Variants in ASTN1 observed in about 807,000 individuals in gnomAD.
The protein encoded by ASTN1 is astrotactin-1.
ASTN1 carries 41 observed loss-of-function variants against 140.7 expected under a neutral mutation model. The ratio of observed to expected loss-of-function variants is 0.29; its 90% CI spans 0.23 to 0.38. The LOEUF (loss-of-function observed/expected upper bound fraction) is 0.38, where lower values mean the gene tolerates loss of function less well. Among genes scored for constraint, ASTN1 ranks in the 10% least tolerant of loss-of-function variants. The probability of loss-of-function intolerance (pLI) is 1.00; values close to 1 mark genes in which losing one functional copy is unlikely to be tolerated. For missense variants in ASTN1, 1,479 were observed against 1,678.8 expected, an observed-to-expected ratio of 0.88 and a Z score of 2.08; for synonymous variants, 640 against 652.2, an observed-to-expected ratio of 0.98 and a Z score of 0.29.
intron 1 of ASTN1, among the ~76,000 whole-genome samples, chr1:177,129,416 G>A (rs1416631027): frequency 6.6e-6 from 1 of 152,210 alleles, no homozygotes; most frequent in Non-Finnish European, 1.5e-5. Context: ...AACCCACCAA[G>A]CAAGGAAGCA....
chr1:177,089,164 C>G (rs187604523), intron 1 of ASTN1, among the ~76,000 whole-genome samples: 4 of 152,260 alleles, frequency 2.6e-5, no homozygotes, highest in South Asian at 2.1e-4. Flanking sequence ...CAGAAGCTGA[C>G]GCCCTAATCT....
chr1:176,932,444 G>A (rs1185822230), intron 16 of ASTN1, among the ~76,000 whole-genome samples: 2 of 152,148 alleles, frequency 1.3e-5, no homozygotes, highest in African/African-American at 2.4e-5. Flanking sequence ...AACTAAGGAG[G>A]AGAAATATAT....
chr1:177,057,635 C>T (rs949591019), intron 2 of ASTN1, among the ~76,000 whole-genome samples: 2 of 152,076 alleles, frequency 1.3e-5, no homozygotes, highest in African/African-American at 2.4e-5. Flanking sequence ...ATTCATGTTT[C>T]GATAATCGCT....
intron 7 of ASTN1, among the ~76,000 whole-genome samples, chr1:177,016,535 T>A (rs1675555887): frequency 6.6e-6 from 1 of 152,130 alleles, no homozygotes; most frequent in South Asian, 2.1e-4. Context: ...GGATGAAGGC[T>A]GTTTATTTGA....
At chr1:176,887,794 G>T (rs902797236) in intron 18 of ASTN1, among the ~76,000 whole-genome samples, 1 of 151,948 alleles carries the variant, frequency 6.6e-6, no homozygotes, top group Non-Finnish European at 1.5e-5. Context: ...AGAAGTTCAA[G>T]CGCCACCTCC....
chr1:177,095,872 G>T (rs890918963), intron 1 of ASTN1, among the ~76,000 whole-genome samples: 3 of 152,218 alleles, frequency 2.0e-5, no homozygotes, highest in African/African-American at 7.2e-5. Context: ...CAACCCAGGA[G>T]AGCTGCCTCA....
chr1:176,903,005 T>C (rs980953531), intron 16 of ASTN1, among the ~76,000 whole-genome samples: 1 of 152,188 alleles, frequency 6.6e-6, no homozygotes, highest in Non-Finnish European at 1.5e-5. Flanking sequence ...TGCCTTATGC[T>C]TGAGTTGCCA....
chr1:176,970,579 G>GT (rs1177839625), intron 8 of ASTN1, among the ~76,000 whole-genome samples: 1 of 151,820 alleles, frequency 6.6e-6, no homozygotes, highest in African/African-American at 2.4e-5. Flanking sequence ...AGGTAGGTAG[G>GT]TAGGTAGGTA....
chr1:176,991,151 T>TA (rs1205164609), intron 8 of ASTN1, among the ~76,000 whole-genome samples: 1 of 152,118 alleles, frequency 6.6e-6, no homozygotes, highest in Non-Finnish European at 1.5e-5. Context: ...CTCATGCCTG[T>TA]AATCCCAGCA....
intron 1 of ASTN1, among the ~76,000 whole-genome samples, chr1:177,145,159 C>T (rs1682666419): frequency 6.6e-6 from 1 of 152,138 alleles, no homozygotes. Context: ...CAGCTCCGTT[C>T]CTCTGGAGGT....
At chr1:177,006,619 T>C (rs1675008116) in intron 8 of ASTN1, among the ~76,000 whole-genome samples, 2 of 152,218 alleles carry the variant, frequency 1.3e-5, no homozygotes, top group South Asian at 4.1e-4. Flanking sequence ...TGAAACAATT[T>C]ATCTTCCATT....
At chr1:176,982,977 A>G (rs1159619930) in intron 8 of ASTN1, among the ~76,000 whole-genome samples, 2 of 152,128 alleles carry the variant, frequency 1.3e-5, no homozygotes, top group African/African-American at 4.8e-5. Flanking sequence ...TCCACAGATG[A>G]TGATTGAGGG....
intron 21 of ASTN1, among the ~76,000 whole-genome samples, chr1:176,873,772 A>G (rs745351541): frequency 7.2e-5 from 11 of 152,128 alleles, no homozygotes; most frequent in Non-Finnish European, 1.2e-4. Flanking sequence ...CACTGTCTCA[A>G]CACTAAATTG....
At chr1:176,881,082 A>G (rs1287165787) in intron 20 of ASTN1, among the ~76,000 whole-genome samples, 7 of 152,190 alleles carry the variant, frequency 4.6e-5, no homozygotes, top group Non-Finnish European at 8.8e-5. Flanking sequence ...CTCTGTCCCT[A>G]TCCCAAGGGC....
intron 11 of ASTN1, among the ~76,000 whole-genome samples, chr1:176,952,155 G>T (rs946577734): frequency 6.6e-6 from 1 of 152,160 alleles, no homozygotes; most frequent in Non-Finnish European, 1.5e-5. Context: ...CAATCCTGTA[G>T]ATTTGGTGAT....
chr1:176,935,832 C>T (rs936424318), intron 15 of ASTN1, among the ~76,000 whole-genome samples: 3 of 151,780 alleles, frequency 2.0e-5, no homozygotes, highest in Admixed American at 6.6e-5. Flanking sequence ...TGTTTAGGAG[C>T]GTTAAGCTGC....
chr1:176,924,117 C>A (rs1407703781), intron 16 of ASTN1, among the ~76,000 whole-genome samples: 2 of 152,182 alleles, frequency 1.3e-5, no homozygotes, highest in African/African-American at 2.4e-5. Context: ...ATGCGCTAAA[C>A]AAATTGGCCC....
intron 1 of ASTN1, among the ~76,000 whole-genome samples, chr1:177,133,540 G>A (rs1476960804): frequency 6.6e-6 from 1 of 152,168 alleles, no homozygotes; most frequent in East Asian, 1.9e-4. Flanking sequence ...GATGGTAAAA[G>A]CATCATGATG....
intron 1 of ASTN1, among the ~76,000 whole-genome samples, chr1:177,116,932 C>T (rs1681118394): frequency 6.6e-6 from 1 of 152,162 alleles, no homozygotes; most frequent in African/African-American, 2.4e-5. Context: ...CCCGGGCTTC[C>T]ACTCCCTTAC....
Sources: allele counts gnomAD v4.1 joint callset (sites outside exome capture counted in the v4.1 genomes callset), GRCh38; gene constraint gnomAD v4.1.1; transcripts MANE v1.5; gene names NCBI Gene and HGNC (gene_info 2026-07-23, HGNC 2026-07-21).